Variants in CDS1 observed in about 807,000 individuals in gnomAD.
CDS1 encodes the protein phosphatidate cytidylyltransferase 1.
CDS1 carries 41 observed loss-of-function variants against 62.1 expected under a neutral mutation model. That is an observed-to-expected ratio of 0.66 (90% CI 0.51 to 0.86). The LOEUF (loss-of-function observed/expected upper bound fraction) is 0.86, where lower values mean the gene tolerates loss of function less well. CDS1 is among the 40% of genes least tolerant of loss of function. CDS1 has a pLI of 0.00. For missense variants in CDS1, 470 were observed against 550.1 expected, an observed-to-expected ratio of 0.85 and a Z score of 1.46; for synonymous variants, 185 against 192.6, an observed-to-expected ratio of 0.96 and a Z score of 0.32.
chr4:84,603,321 C>T (rs1056413624), intron 1 of CDS1, among the ~76,000 whole-genome samples: 11 of 152,092 alleles, frequency 7.2e-5, no homozygotes, highest in Admixed American at 6.6e-4. Context: ...TTCCTCTATC[C>T]CAGTTCAACA....
intron 8 of CDS1, among the ~76,000 whole-genome samples, chr4:84,636,347 T>C (rs866024515): frequency 5.3e-5 from 8 of 152,206 alleles, no homozygotes; most frequent in African/African-American, 7.2e-5. Flanking sequence ...AAAATACACA[T>C]GAGTAGACCA....
At chr4:84,615,182 C>T (rs1723449765) in intron 3 of CDS1, among the ~76,000 whole-genome samples, 1 of 151,922 alleles carries the variant, frequency 6.6e-6, no homozygotes, top group African/African-American at 2.4e-5. Context: ...TTTTGTGTTC[C>T]CTTTTCTCCC....
intron 3 of CDS1, among the ~76,000 whole-genome samples, chr4:84,612,479 A>G (rs1198408889): frequency 6.6e-6 from 1 of 152,136 alleles, no homozygotes; most frequent in Non-Finnish European, 1.5e-5. Context: ...GAATTTGTGG[A>G]TAAAAACTAT....
chr4:84,619,067 A>ACACACACACACACACACACT (rs1723589226), intron 4 of CDS1, among the ~76,000 whole-genome samples: 1 of 151,002 alleles, frequency 6.6e-6, no homozygotes, highest in Non-Finnish European at 1.5e-5. Context: ...ACACACACAC[A>ACACACACACACACACACACT]CACACACACA....
chr4:84,620,398 A>G (rs1053196313), intron 5 of CDS1, among the ~76,000 whole-genome samples: 1 of 151,064 alleles, frequency 6.6e-6, no homozygotes, highest in Non-Finnish European at 1.5e-5. Flanking sequence ...AATTTTTTGT[A>G]TTTTTAGTAG....
intron 8 of CDS1, among the ~76,000 whole-genome samples, chr4:84,636,361 T>C (rs1724211500): frequency 6.6e-6 from 1 of 152,160 alleles, no homozygotes; most frequent in South Asian, 2.1e-4. Flanking sequence ...TAGACCATGT[T>C]GTTTTGCTAT....
At chr4:84,607,058 G>GT (rs1578027214) in intron 2 of CDS1, among the ~76,000 whole-genome samples, 1 of 152,152 alleles carries the variant, frequency 6.6e-6, no homozygotes, top group Admixed American at 6.5e-5. Flanking sequence ...CTCATGAGAA[G>GT]TTTATGTCTA....
chr4:84,629,641 T>C (rs142556152), intron 5 of CDS1, among the ~76,000 whole-genome samples: 19 of 152,300 alleles, frequency 1.2e-4, no homozygotes, highest in African/African-American at 4.3e-4. Context: ...GAGAGATGAC[T>C]ATATTTAGCC....
chr4:84,594,957 A>T (rs73831536), intron 1 of CDS1, among the ~76,000 whole-genome samples: 4,179 of 152,142 alleles, frequency 0.027, 193 homozygotes, highest in African/African-American at 0.096. Flanking sequence ...TGGCTCAAGC[A>T]GTCCTTCTGC....
chr4:84,610,000 A>G (rs909433436), intron 3 of CDS1, among the ~76,000 whole-genome samples: 12 of 150,318 alleles, frequency 8.0e-5, no homozygotes, highest in African/African-American at 3.0e-4. Context: ...CCTGGGCAAC[A>G]CAGACCATCT....
At chr4:84,624,078 T>C (rs964527032) in intron 5 of CDS1, among the ~76,000 whole-genome samples, 5 of 151,890 alleles carry the variant, frequency 3.3e-5, no homozygotes, top group Admixed American at 1.3e-4. Flanking sequence ...GAGACCATCC[T>C]GGCTAACACG....
intron 9 of CDS1, among the ~76,000 whole-genome samples, chr4:84,639,995 G>C (rs1015271476): frequency 1.3e-5 from 2 of 151,350 alleles, no homozygotes; most frequent in Non-Finnish European, 2.9e-5. Context: ...GTAAGAATTT[G>C]TTATTATCAA....
intron 5 of CDS1, among the ~76,000 whole-genome samples, chr4:84,623,908 T>G (rs1473481101): frequency 6.6e-6 from 1 of 151,962 alleles, no homozygotes; most frequent in African/African-American, 2.4e-5. Context: ...TCCATGTGGC[T>G]TGGATGGGAC....
intron 2 of CDS1, 113 bp from the exon 3 acceptor site, chr4:84,609,316 A>G: frequency 1.6e-6 from 1 of 618,252 alleles, no homozygotes; most frequent in African/African-American, 1.8e-5. Flanking sequence ...ATATAAAGTG[A>G]AGTAGTAGAA....
intron 1 of CDS1, among the ~76,000 whole-genome samples, chr4:84,592,506 C>T (rs1262677548): frequency 6.6e-6 from 1 of 151,994 alleles, no homozygotes; most frequent in Non-Finnish European, 1.5e-5. Flanking sequence ...CTGAGATACA[C>T]CAAGTTTATT....
chr4:84,590,392 G>A (rs1157427193), intron 1 of CDS1, among the ~76,000 whole-genome samples: 4 of 152,184 alleles, frequency 2.6e-5, no homozygotes, highest in South Asian at 4.1e-4. Context: ...TAAGCTATGT[G>A]CGGGTTAGGA....
intron 1 of CDS1, among the ~76,000 whole-genome samples, chr4:84,592,699 TC>T (rs1268491395): frequency 6.6e-6 from 1 of 152,192 alleles, no homozygotes; most frequent in Non-Finnish European, 1.5e-5. Flanking sequence ...TGGACTCTTA[TC>T]TATGGAAATT....
chr4:84,625,103 C>T (rs1257032450), intron 5 of CDS1, among the ~76,000 whole-genome samples: 1 of 152,122 alleles, frequency 6.6e-6, no homozygotes, highest in Non-Finnish European at 1.5e-5. Flanking sequence ...TCAAGTGATC[C>T]TCCTGCCTTG....
intron 12 of CDS1, among the ~76,000 whole-genome samples, chr4:84,645,919 G>A (rs1049942284): frequency 6.6e-6 from 1 of 152,142 alleles, no homozygotes; most frequent in Non-Finnish European, 1.5e-5. Flanking sequence ...GCTGGTGGAT[G>A]GGTGGATGAA....
Sources: gnomAD v4.1 joint callset for allele counts (sites outside exome capture counted in the v4.1 genomes callset) on GRCh38, gnomAD v4.1.1 for gene constraint, MANE v1.5 for transcripts, NCBI Gene and HGNC (gene_info 2026-07-23, HGNC 2026-07-21) for gene names.